The following IQCK variants were observed in gnomAD, a reference collection of about 807,000 sequenced individuals.
The protein encoded by IQCK is IQ domain-containing protein K.
IQCK carries 29 observed loss-of-function variants against 28.1 expected under a neutral mutation model. That is an observed-to-expected ratio of 1.03 (90% confidence interval 0.77 to 1.41). The LOEUF is 1.41. IQCK is among the 40% of genes most tolerant of loss of function. IQCK has a pLI of 0.00. For synonymous variants in IQCK, 113 were observed against 115.1 expected, an observed-to-expected ratio of 0.98 and a Z score of 0.12; for missense variants, 359 against 314.7, an observed-to-expected ratio of 1.14 and a Z score of -1.07.
downstream of IQCK, among the ~76,000 whole-genome samples, chr16:19,830,014 CGAATGAAT>C (rs36097422): frequency 0.25 from 38,247 of 151,430 alleles, 5,226 homozygotes; most frequent in African/African-American, 0.35. Flanking sequence ...ATCAGTTGAA[CGAATGAAT>C]GAATGAATGA....
intron 3 of IQCK, among the ~76,000 whole-genome samples, chr16:19,734,554 G>A (rs542994848): frequency 6.6e-6 from 1 of 151,772 alleles, no homozygotes; most frequent in African/African-American, 2.4e-5. Flanking sequence ...GCTTGCACTC[G>A]GGAAGCGGAG....
intron 7 of IQCK, among the ~76,000 whole-genome samples, chr16:19,793,927 G>C (rs73532632): frequency 0.046 from 468 of 10,066 alleles, 52 homozygotes; most frequent in African/African-American, 0.21. Context: ...AGGGTGCCAA[G>C]ACCATTTAAT....
chr16:19,718,346 C>G, exon 1 of IQCK: 2 of 1,610,326 alleles, frequency 1.2e-6, no homozygotes, highest in Non-Finnish European at 1.7e-6. Context: ...CATAGTGCGC[C>G]TCAAGCCCAG....
intron 1 of IQCK, among the ~76,000 whole-genome samples, chr16:19,729,617 A>ATTATT (rs1372364027): frequency 5.2e-4 from 79 of 151,668 alleles, no homozygotes; most frequent in African/African-American, 1.8e-3. Context: ...TACCGACTTT[A>ATTATT]TTATTTTATT....
At chr16:19,772,415 A>G (rs2055331670) in intron 6 of IQCK, among the ~76,000 whole-genome samples, 1 of 152,234 alleles carries the variant, frequency 6.6e-6, no homozygotes, top group African/African-American at 2.4e-5. Context: ...ATTGGAGACA[A>G]CTGAAAATTT....
intron 9 of IQCK, among the ~76,000 whole-genome samples, chr16:19,838,272 G>T (rs758216792): frequency 6.6e-6 from 1 of 151,962 alleles, no homozygotes; most frequent in Non-Finnish European, 1.5e-5. Context: ...GGGATCACTG[G>T]GGGAGGCAGA....
intron 6 of IQCK, among the ~76,000 whole-genome samples, chr16:19,769,336 A>G (rs1334225205): frequency 6.6e-6 from 1 of 152,226 alleles, no homozygotes; most frequent in Non-Finnish European, 1.5e-5. Context: ...AAAGCATCAC[A>G]GCATGTCTGT....
At chr16:19,744,423 A>G (rs2054878905) in intron 4 of IQCK, among the ~76,000 whole-genome samples, 1 of 152,198 alleles carries the variant, frequency 6.6e-6, no homozygotes, top group African/African-American at 2.4e-5. Context: ...AAGCCAGTGC[A>G]CCTGGCCCAT....
intron 4 of IQCK, chr16:19,736,000 A>G: frequency 2.4e-6 from 1 of 416,184 alleles, no homozygotes. Context: ...CCAAAGTTTG[A>G]GGTTGCAGTG....
chr16:19,793,643 G>GTTTTTTTTTTTTTTTTT (rs1285541664), intron 7 of IQCK, among the ~76,000 whole-genome samples: 3 of 61,808 alleles, frequency 4.9e-5, no homozygotes, highest in African/African-American at 2.3e-4. Context: ...TCTCAGTTGG[G>GTTTTTTTTTTTTTTTTT]TTTTTTTTTT....
chr16:19,816,967 G>C (rs569167992), intron 7 of IQCK, among the ~76,000 whole-genome samples: 27 of 152,098 alleles, frequency 1.8e-4, no homozygotes, highest in Admixed American at 7.9e-4. Context: ...CCTGCCCAAG[G>C]CTCCTTAGTT....
At chr16:19,836,509 G>A (rs1031248111) in intron 9 of IQCK, among the ~76,000 whole-genome samples, 2 of 152,188 alleles carry the variant, frequency 1.3e-5, no homozygotes, top group Non-Finnish European at 2.9e-5. Flanking sequence ...TGCCCTAAAA[G>A]TTCAAGATCC....
At chr16:19,834,175 A>G (rs2056266415) in intron 9 of IQCK, among the ~76,000 whole-genome samples, 1 of 152,230 alleles carries the variant, frequency 6.6e-6, no homozygotes, top group Non-Finnish European at 1.5e-5. Flanking sequence ...GCAAAGAAGG[A>G]TGTCTGCAAC....
chr16:19,809,141 G>A (rs1456269991), intron 7 of IQCK, among the ~76,000 whole-genome samples: 2 of 152,254 alleles, frequency 1.3e-5, no homozygotes, highest in African/African-American at 4.8e-5. Flanking sequence ...ACAGGCGTAA[G>A]CCACCACACC....
intron 1 of IQCK, among the ~76,000 whole-genome samples, chr16:19,725,969 G>T (rs1220044251): frequency 6.8e-6 from 1 of 147,532 alleles, no homozygotes; most frequent in African/African-American, 2.5e-5. Flanking sequence ...AGGCTGGAGT[G>T]CAGCGGCTCG....
At position 19,747,572 on chromosome 16, in the gene IQCK, G is replaced by A. The variant is rs572689682; in HGVS notation, c.474+12122G>A. ...TAGATTGCACAGTGGCAAAGTCAGA[G>A]CTTTAGGGTATCACCCAAATAACAC... is the stretch of plus-strand genomic sequence containing the variant. On this transcript the variant is annotated intron_variant, in intron 4 of 7. Transcript: ENST00000564186. Among the ~76,000 whole-genome samples, 5 of 151,848 alleles carry A rather than the reference G, an allele frequency of 3.3e-5. No individual in the cohort carries two copies. The South Asian group carries it at 1.0e-3, about 32-fold the overall frequency.
intron 9 of IQCK, among the ~76,000 whole-genome samples, chr16:19,845,642 G>A (rs780482745): frequency 5.3e-5 from 8 of 152,078 alleles, no homozygotes; most frequent in Non-Finnish European, 1.0e-4. Context: ...AAGAAAATAC[G>A]AATAGATCTA....
At chr16:19,779,907 C>T (rs1013221664) in intron 6 of IQCK, among the ~76,000 whole-genome samples, 7 of 150,494 alleles carry the variant, frequency 4.7e-5, no homozygotes, top group South Asian at 2.1e-4. Context: ...TTAGTAGAGA[C>T]GGGGTTTCAC....
chr16:19,777,557 G>A (rs965277476), intron 6 of IQCK, among the ~76,000 whole-genome samples: 7 of 152,138 alleles, frequency 4.6e-5, no homozygotes, highest in Admixed American at 1.3e-4. Flanking sequence ...ATAGTAAATC[G>A]TCTTTGCTTT....
Sources: allele counts gnomAD v4.1 joint callset (sites outside exome capture counted in the v4.1 genomes callset), GRCh38; gene constraint gnomAD v4.1.1; transcripts MANE v1.5; gene names NCBI Gene and HGNC (gene_info 2026-07-23, HGNC 2026-07-21).